The following FBXO25 variants were observed in gnomAD, a reference collection of about 807,000 sequenced individuals.
The protein encoded by FBXO25 is F-box protein 25, also known as F-box only protein 25.
FBXO25 carries 45 observed loss-of-function variants against 51.9 expected under a neutral mutation model. That is an observed-to-expected ratio of 0.87 (90% CI 0.68 to 1.11). FBXO25 has a LOEUF of 1.11. Among genes scored for constraint, FBXO25 ranks in the 50% most tolerant of loss-of-function variants. The pLI, the probability that FBXO25 is intolerant of heterozygous loss-of-function variation, is 0.00. For synonymous variants in FBXO25, 199 were observed against 151.0 expected (o/e 1.32, Z -2.33); for missense variants, 507 against 428.5 (o/e 1.18, Z -1.62).
Position 469,412 on chromosome 8 carries a change from T to TATA in FBXO25, c.*609_*610insTAA. On this transcript the variant is annotated 3_prime_UTR_variant, in exon 10 of 10. Transcript: ENST00000350302. ...CAACGGGCAGTGGTCTCTGTGCTCC[T>TATA]AGGCATCCAGCACAGGTTCTGGCAG... The TATA allele has an allele frequency of 6.6e-6, 1 of 152,540 alleles. No homozygotes were observed. The highest frequency in any genetic ancestry group is 1.5e-5 in the Non-Finnish European group (1 of 68,242). The allele number at this position is 152,540 out of a possible 1,614,324, so 9.4% of individuals were successfully genotyped here. A position where few individuals can be genotyped will look rare whatever the true frequency, so the allele number is the denominator to read the frequency against.
At chr8:414,473 A>C (rs1485755081) in intron 2 of FBXO25, among the ~76,000 whole-genome samples, 1 of 152,232 alleles carries the variant, frequency 6.6e-6, no homozygotes, top group African/African-American at 2.4e-5. Flanking sequence ...CAATTTAAAA[A>C]AAGCTGTAAT....
chr8:423,539 TGTG>T (rs958502874), intron 2 of FBXO25, among the ~76,000 whole-genome samples: 2 of 152,134 alleles, frequency 1.3e-5, no homozygotes, highest in African/African-American at 4.8e-5. Flanking sequence ...AGTGAGAACA[TGTG>T]GTATTTGGTT....
chr8:467,147 C>T (rs1235958707), intron 9 of FBXO25, among the ~76,000 whole-genome samples: 5 of 152,068 alleles, frequency 3.3e-5, no homozygotes, highest in Non-Finnish European at 7.3e-5. Flanking sequence ...CATCCTGAAC[C>T]AGCGGGGGAG....
At chr8:437,786 G>A (rs1259433185) in intron 5 of FBXO25, among the ~76,000 whole-genome samples, 1 of 149,128 alleles carries the variant, frequency 6.7e-6, no homozygotes, top group South Asian at 2.1e-4. Context: ...CATACATACT[G>A]TGCAGGTATT....
Position 476,466 on chromosome 8 carries a change from G to C in FBXO25, c.*7662G>C, listed in dbSNP as rs1438406536. 6.6e-6 allele frequency: 1 copy of C among 152,148 alleles called. No homozygotes were observed. Among genetic ancestry groups the C allele is most frequent in the East Asian group, 1.9e-4 (1 of 5,196 alleles). 9.4% of individuals were successfully genotyped at this position (152,148 alleles called of 1,614,324 possible). ...GATTTAATTCTTCAGATGTTTGCCAGAATTCCCATATGACCCTGGGCTTTT... is the reference window on the plus strand; with the variant it reads ...GATTTAATTCTTCAGATGTTTGCCACAATTCCCATATGACCCTGGGCTTTT... On this transcript the variant is annotated 3_prime_UTR_variant, in exon 10 of 10. Transcript: ENST00000350302.
chr8:441,062 C>CTT lies in FBXO25; in HGVS notation c.381+5357_381+5358dup, dbSNP rs544245481. Among the ~76,000 whole-genome samples, 569 of 148,472 alleles carry CTT rather than the reference C, an allele frequency of 3.8e-3. 7 individuals carry two copies. The highest frequency in any genetic ancestry group is 0.014 in the African/African-American group (541 of 39,958). Reference sequence around the variant, plus strand: ...GCAATAAACATACGTGTGCGTGTGTCTTTATAGTAGAATGATTTATAATCT... The same window carrying CTT: ...GCAATAAACATACGTGTGCGTGTGTCTTTTTATAGTAGAATGATTTATAATCT... On this transcript the variant is annotated intron_variant, in intron 5 of 9. Coordinates refer to ENST00000350302, the MANE Select transcript of FBXO25 (RefSeq NM_183420.2).
intron 2 of FBXO25, among the ~76,000 whole-genome samples, chr8:415,747 C>T (rs1176371133): frequency 6.6e-6 from 1 of 152,170 alleles, no homozygotes; most frequent in South Asian, 2.1e-4. Context: ...TGGGTCTTCT[C>T]TCCAGCGTAG....
chr8:477,594 A>G lies in FBXO25; in HGVS notation c.*8790A>G, dbSNP rs1800681957. 1 of 152,254 alleles carries G rather than the reference A, an allele frequency of 6.6e-6. No homozygotes were observed. Among genetic ancestry groups the G allele is most frequent in the East Asian group, 1.9e-4 (1 of 5,204 alleles). The allele number at this position is 152,254 out of a possible 1,614,324, so 9.4% of individuals were successfully genotyped here. ...GATTGGCCGGGAATTTGAGGCTGCAAGGATAGGTACACACAGGGGAGTGAA... is the reference window on the plus strand; with the variant it reads ...GATTGGCCGGGAATTTGAGGCTGCAGGGATAGGTACACACAGGGGAGTGAA... On this transcript the variant is annotated 3_prime_UTR_variant, in exon 10 of 10. Transcript: ENST00000350302.
intron 1 of FBXO25, among the ~76,000 whole-genome samples, chr8:408,522 GAAT>G (rs1249468188): frequency 6.6e-6 from 1 of 152,164 alleles, no homozygotes; most frequent in Non-Finnish European, 1.5e-5. Flanking sequence ...TGTAAAACAA[GAAT>G]AATGTTTTCT....
At chr8:416,218 C>G (rs1195326500) in intron 2 of FBXO25, among the ~76,000 whole-genome samples, 3 of 152,238 alleles carry the variant, frequency 2.0e-5, no homozygotes, top group African/African-American at 4.8e-5. Context: ...TTGGCCTGCT[C>G]TACTCCTCTT....
At chr8:421,230 C>T (rs1283784508) in intron 2 of FBXO25, among the ~76,000 whole-genome samples, 1 of 152,174 alleles carries the variant, frequency 6.6e-6, no homozygotes, top group Non-Finnish European at 1.5e-5. Context: ...CTAACTAATG[C>T]CTGATGATCT....
chr8:468,957 A>G lies in FBXO25; in HGVS notation c.*153A>G, dbSNP rs577440235. 1 of 628,042 alleles carries G rather than the reference A, an allele frequency of 1.6e-6. No individual in the cohort carries two copies. Among genetic ancestry groups the G allele is most frequent in the South Asian group, 2.2e-5 (1 of 46,090 alleles). 38.9% of individuals were successfully genotyped at this position (628,042 alleles called of 1,614,324 possible). ...TGCCCTTCTGCAAAGGGGGGACTGCATGGTTGCATTTTCATCACTGAAAGT... is the reference window on the plus strand; with the variant it reads ...TGCCCTTCTGCAAAGGGGGGACTGCGTGGTTGCATTTTCATCACTGAAAGT... On this transcript the variant is annotated 3_prime_UTR_variant, in exon 10 of 10. Transcript: ENST00000350302.
chr8:414,690 C>T (rs1436526669), intron 2 of FBXO25, among the ~76,000 whole-genome samples: 1 of 152,150 alleles, frequency 6.6e-6, no homozygotes, highest in East Asian at 1.9e-4. Flanking sequence ...CTCCCTTTCC[C>T]CTTCGCCCAA....
chr8:427,733 A>G (rs1797580776), intron 2 of FBXO25, among the ~76,000 whole-genome samples: 1 of 150,292 alleles, frequency 6.7e-6, no homozygotes. Flanking sequence ...CAAATCATTC[A>G]CAAATATTGG....
chr8:455,447 A>G (rs930333352), intron 7 of FBXO25, among the ~76,000 whole-genome samples: 1 of 152,318 alleles, frequency 6.6e-6, no homozygotes, highest in East Asian at 1.9e-4. Flanking sequence ...TCAGTGACTC[A>G]CCACATATTG....
chr8:435,188 T>G (rs1304018814), intron 4 of FBXO25, among the ~76,000 whole-genome samples: 1 of 152,190 alleles, frequency 6.6e-6, no homozygotes, highest in Non-Finnish European at 1.5e-5. Context: ...AGAAATCCTG[T>G]GTTTCAACTA....
chr8:407,037 G>A lies in FBXO25; in HGVS notation c.-37G>A, dbSNP rs1263457769. The A allele has an allele frequency of 1.7e-4, 26 of 152,452 alleles. No individual in the cohort carries two copies. Among genetic ancestry groups the A allele is most frequent in the African/African-American group, 5.3e-4 (22 of 41,448 alleles). 9.4% of individuals were successfully genotyped at this position (152,452 alleles called of 1,614,324 possible). A position where few individuals can be genotyped will look rare whatever the true frequency, so the allele number is the denominator to read the frequency against. On this transcript the variant is annotated 5_prime_UTR_variant, in exon 1 of 10. Transcript: ENST00000350302. Reference sequence around the variant, plus strand: ...GGCACTGGGGGACGCGGGCGCGTCAGGTGAAGACTGGGGGCCGCAGGCGCG... The same window carrying A: ...GGCACTGGGGGACGCGGGCGCGTCAAGTGAAGACTGGGGGCCGCAGGCGCG...
chr8:429,164 C>T (rs935001990), intron 2 of FBXO25, among the ~76,000 whole-genome samples: 2 of 152,180 alleles, frequency 1.3e-5, no homozygotes, highest in African/African-American at 4.8e-5. Context: ...ACCAACATTG[C>T]ACGAGGGATC....
At chr8:425,381 T>C (rs1285467834) in intron 2 of FBXO25, among the ~76,000 whole-genome samples, 3 of 151,870 alleles carry the variant, frequency 2.0e-5, no homozygotes, top group South Asian at 2.1e-4. Context: ...AATTTTCTTC[T>C]GTTAGCACTT....
Sources: allele counts gnomAD v4.1 joint callset (sites outside exome capture counted in the v4.1 genomes callset), GRCh38; gene constraint gnomAD v4.1.1; transcripts MANE v1.5; gene names NCBI Gene and HGNC (gene_info 2026-07-23, HGNC 2026-07-21).